CNTN5: variants seen among roughly 807,000 people sequenced by gnomAD.
The protein encoded by CNTN5 is contactin 5.
CNTN5 carries 77 observed loss-of-function variants against 129.1 expected under a neutral mutation model. The ratio of observed to expected loss-of-function variants is 0.60; its 90% CI spans 0.50 to 0.72. CNTN5 has a LOEUF of 0.72. Ranked by LOEUF, CNTN5 falls within the 30% of genes least tolerant of loss-of-function variation. CNTN5 has a pLI of 0.00. For missense variants in CNTN5, 1,478 were observed against 1,328.8 expected (o/e 1.11, Z -1.75); for synonymous variants, 509 against 465.6 (o/e 1.09, Z -1.20).
intron 1 of CNTN5, among the ~76,000 whole-genome samples, chr11:99,124,975 C>G (rs1255765346): frequency 6.6e-6 from 1 of 151,852 alleles, no homozygotes; most frequent in East Asian, 1.9e-4. Flanking sequence ...AATAAAACAG[C>G]CTACTCACCA....
At chr11:99,328,147 GA>G (rs1035587288) in intron 2 of CNTN5, among the ~76,000 whole-genome samples, 2 of 152,152 alleles carry the variant, frequency 1.3e-5, no homozygotes, top group Admixed American at 6.6e-5. Context: ...AATTTGAAGA[GA>G]AAAAATTTCT....
At chr11:99,701,588 T>C (rs1014499089) in intron 3 of CNTN5, among the ~76,000 whole-genome samples, 3 of 151,150 alleles carry the variant, frequency 2.0e-5, no homozygotes, top group African/African-American at 7.3e-5. Flanking sequence ...TCAAATTGTA[T>C]ATGTGTTATC....
chr11:100,000,120 C>A (rs150808155), intron 8 of CNTN5, among the ~76,000 whole-genome samples: 1 of 151,660 alleles, frequency 6.6e-6, no homozygotes, highest in Non-Finnish European at 1.5e-5. Context: ...AACTAACCTG[C>A]ACATTGTGCA....
intron 1 of CNTN5, among the ~76,000 whole-genome samples, chr11:99,080,193 A>C (rs1157246825): frequency 2.0e-5 from 3 of 152,210 alleles, no homozygotes; most frequent in Non-Finnish European, 4.4e-5. Context: ...ATTTAGCATA[A>C]GACTGTAAAG....
At chr11:99,959,424 TGC>T (rs1950884907) in intron 8 of CNTN5, among the ~76,000 whole-genome samples, 2 of 152,216 alleles carry the variant, frequency 1.3e-5, no homozygotes, top group Non-Finnish European at 2.9e-5. Context: ...CATCTCCATC[TGC>T]ATTGTTATCT....
At chr11:99,495,103 C>G (rs1946174874) in intron 2 of CNTN5, among the ~76,000 whole-genome samples, 1 of 152,188 alleles carries the variant, frequency 6.6e-6, no homozygotes, top group African/African-American at 2.4e-5. Context: ...GGCGTGGTGG[C>G]TCATGCCTGT....
At chr11:99,157,603 C>G (rs1480442634) in intron 1 of CNTN5, among the ~76,000 whole-genome samples, 2 of 151,964 alleles carry the variant, frequency 1.3e-5, no homozygotes, top group Admixed American at 1.3e-4. Flanking sequence ...TATACCTATA[C>G]TGGAAATTGG....
intron 13 of CNTN5, among the ~76,000 whole-genome samples, chr11:100,086,797 T>C (rs1377675517): frequency 6.6e-6 from 1 of 151,388 alleles, no homozygotes; most frequent in Non-Finnish European, 1.5e-5. Context: ...AAACAGACTA[T>C]ACAAGAAGGA....
chr11:99,983,679 A>G (rs547336477), intron 8 of CNTN5, among the ~76,000 whole-genome samples: 1 of 152,214 alleles, frequency 6.6e-6, no homozygotes, highest in South Asian at 2.1e-4. Flanking sequence ...CTACCATTTC[A>G]TTCTGTTGAG....
At chr11:99,052,218 T>C (rs1241441335) in intron 1 of CNTN5, among the ~76,000 whole-genome samples, 1 of 151,846 alleles carries the variant, frequency 6.6e-6, no homozygotes, top group Non-Finnish European at 1.5e-5. Flanking sequence ...TACATATATA[T>C]ACACACAGAG....
At chr11:99,774,359 A>C (rs1397249408) in intron 3 of CNTN5, among the ~76,000 whole-genome samples, 1 of 151,590 alleles carries the variant, frequency 6.6e-6, no homozygotes, top group Non-Finnish European at 1.5e-5. Context: ...GTGGGTGTTA[A>C]ATTTATTTTG....
chr11:99,111,358 T>C (rs922187558), intron 1 of CNTN5, among the ~76,000 whole-genome samples: 1 of 151,928 alleles, frequency 6.6e-6, no homozygotes, highest in Non-Finnish European at 1.5e-5. Flanking sequence ...TAGGAGTTGG[T>C]TGGCCAAAAA....
chr11:99,827,904 C>A (rs541128092), intron 4 of CNTN5, among the ~76,000 whole-genome samples: 249 of 152,206 alleles, frequency 1.6e-3, no homozygotes, highest in African/African-American at 5.8e-3. Flanking sequence ...CTACTGTGAA[C>A]ATAAAACACT....
At chr11:99,666,719 T>C (rs892989759) in intron 3 of CNTN5, among the ~76,000 whole-genome samples, 11 of 152,058 alleles carry the variant, frequency 7.2e-5, no homozygotes, top group Non-Finnish European at 7.4e-5. Context: ...AAACTAAAGA[T>C]ACAGTGTGAA....
In CNTN5 at chr11:100,035,983, A is replaced by T. The variant is rs567841986; in HGVS notation, c.981-25229A>T. ...GCTCTTTAGTTTAATTAGATCCCAT[A>T]TGTCAATTTTGGCTTTTGGTGCCGT... is the stretch of plus-strand genomic sequence containing the variant. On this transcript the variant is annotated intron_variant, in intron 9 of 24. Coordinates refer to ENST00000524871, the MANE Select transcript of CNTN5 (RefSeq NM_014361.4). Among the ~76,000 whole-genome samples the T allele has an allele frequency of 8.5e-5, 13 of 152,114 alleles. No homozygotes were observed. In the South Asian group the frequency reaches 1.0e-3, roughly 12 times the overall value.
At chr11:99,688,820 A>C (rs1953908311) in intron 3 of CNTN5, among the ~76,000 whole-genome samples, 1 of 152,004 alleles carries the variant, frequency 6.6e-6, no homozygotes, top group African/African-American at 2.4e-5. Context: ...ATGTATTCTC[A>C]TGATTTAGCA....
intron 1 of CNTN5, among the ~76,000 whole-genome samples, chr11:99,213,769 C>T (rs1370849255): frequency 6.6e-6 from 1 of 152,030 alleles, no homozygotes; most frequent in Admixed American, 6.6e-5. Context: ...ATGCTATTGT[C>T]TGCCTAACAG....
intron 13 of CNTN5, among the ~76,000 whole-genome samples, chr11:100,127,242 T>G (rs1946218583): frequency 6.6e-6 from 1 of 151,392 alleles, no homozygotes; most frequent in African/African-American, 2.4e-5. Context: ...ACCCAGCTGG[T>G]ATTGCTTTTT....
At chr11:100,251,053 A>T (rs1055560832) in intron 16 of CNTN5, among the ~76,000 whole-genome samples, 1 of 152,180 alleles carries the variant, frequency 6.6e-6, no homozygotes, top group Non-Finnish European at 1.5e-5. Context: ...ACGTTAGCTA[A>T]ATTTCAAGTC....
Sources: gnomAD v4.1 joint callset for allele counts (sites outside exome capture counted in the v4.1 genomes callset) on GRCh38, gnomAD v4.1.1 for gene constraint, MANE v1.5 for transcripts, NCBI Gene and HGNC (gene_info 2026-07-23, HGNC 2026-07-21) for gene names.